WDR43: variants seen among roughly 807,000 people sequenced by gnomAD.
The protein encoded by WDR43 is WD repeat domain 43, also known as WD repeat-containing protein 43.
A neutral mutation model predicts 91.4 loss-of-function variants in WDR43; 13 were observed. That is an observed-to-expected ratio of 0.14 (90% confidence interval 0.09 to 0.23). The LOEUF (loss-of-function observed/expected upper bound fraction) is 0.23. WDR43 is among the 10% of genes least tolerant of loss of function. The pLI, the probability that WDR43 is intolerant of heterozygous loss-of-function variation, is 1.00. For missense variants in WDR43, 780 were observed against 809.4 expected, an observed-to-expected ratio of 0.96 and a Z score of 0.44; for synonymous variants, 331 against 287.9, an observed-to-expected ratio of 1.15 and a Z score of -1.51.
chr2:28,920,641 C>T (rs1671006565), intron 6 of WDR43, among the ~76,000 whole-genome samples: 1 of 152,004 alleles, frequency 6.6e-6, no homozygotes, highest in Non-Finnish European at 1.5e-5. Flanking sequence ...GCAAAACTTG[C>T]CACTAGTCTA....
chr2:28,895,485 A>G lies in WDR43; in HGVS notation c.225+562A>G, dbSNP rs151018295. ...CTCTTAACTTTTGCCTTTCCCAGGC[A>G]CCTCTACATTCTCAGCTTTTTGAAC... On this transcript the variant is annotated intron_variant, in intron 1 of 17. Transcript: ENST00000407426. 424 of 151,934 alleles carry G rather than the reference A, an allele frequency of 2.8e-3. 4 individuals carry two copies. Among genetic ancestry groups the G allele is most frequent in the Admixed American group, 5.6e-3 (85 of 15,262 alleles). 9.4% of individuals were successfully genotyped at this position (151,934 alleles called of 1,614,324 possible). A position where few individuals can be genotyped will look rare whatever the true frequency, so the allele number is the denominator to read the frequency against.
Position 28,914,289 on chromosome 2 carries a change from G to A in WDR43, c.746+81G>A, listed in dbSNP as rs1174628015. 9 of 1,432,556 alleles carry A rather than the reference G, an allele frequency of 6.3e-6. No individual in the cohort carries two copies. In the Admixed American group the frequency reaches 2.4e-4, roughly 38 times the overall value. The allele number at this position is 1,432,556 out of a possible 1,614,324, so 88.7% of individuals were successfully genotyped here. ...TGTAGTTAATGTAAATTATGAATAT[G>A]GGACTTTATTTGTTGTATCTAATGT... On this transcript the variant is annotated intron_variant, in intron 5 of 17. Coordinates refer to ENST00000407426, the MANE Select transcript of WDR43 (RefSeq NM_015131.3).
At chr2:28,900,561 G>C (rs973104796) in intron 1 of WDR43, among the ~76,000 whole-genome samples, 1 of 152,100 alleles carries the variant, frequency 6.6e-6, no homozygotes, top group Non-Finnish European at 1.5e-5. Flanking sequence ...AACTCTCCTT[G>C]CCTGAAATAG....
Position 28,937,940 on chromosome 2 carries a change from A to G in WDR43, c.1566A>G (p.Leu522=). 2 of 1,613,832 alleles carry G rather than the reference A, an allele frequency of 1.2e-6. No homozygotes were observed. Among genetic ancestry groups the G allele is most frequent in the East Asian group, 2.2e-5 (1 of 44,872 alleles). ...RLQGHPNSAV[L]MVQWLKCVLT... is the part of the protein sequence containing the mutation. ...GGATTTTTTTTTCCAGTGCTGTGCT[A>G]ATGGTTCAGTGGCTAAAATGTGTGT... The change falls in exon 14 of 18, where the codon CTA becomes CTG. Residue 522 remains leucine, a synonymous_variant. Transcript: ENST00000407426.
rs774215345 is a variant in WDR43, at chr2:28,942,342, A to G, written c.1765A>G (p.Thr589Ala). Residue 589 changes from threonine (T) to alanine (A), a missense_variant, in exon 16 of 18, where the codon ACT becomes GCT. Around this residue, in one of 4 missense-constraint regions of WDR43, gnomAD observed 426 missense variants for 467.8 expected, o/e 0.91. Transcript: ENST00000407426. ...VTASEKTKGA[T>A]SPGQKAKLVY... ...AGCATCAGAGAAGACAAAGGGAGCA[A>G]CTTCCCCTGGACAGAAGGCAAAGTT... The G allele has an allele frequency of 3.7e-6, 6 of 1,613,582 alleles. No individual in the cohort carries two copies. Among genetic ancestry groups the G allele is most frequent in the Non-Finnish European group, 5.1e-6 (6 of 1,179,690 alleles).
At chr2:28,945,290 A>C (rs1216697674) in intron 16 of WDR43, among the ~76,000 whole-genome samples, 1 of 152,232 alleles carries the variant, frequency 6.6e-6, no homozygotes, top group Non-Finnish European at 1.5e-5. Context: ...CACCTAATGA[A>C]ATCAATTCCT....
In WDR43 at chr2:28,927,529, T is replaced by G. The variant is rs761663848; in HGVS notation, c.1174-40T>G. The G allele has an allele frequency of 2.5e-6, 4 of 1,608,374 alleles. No homozygotes were observed. In the East Asian group the frequency reaches 8.9e-5, roughly 36 times the overall value. ...TTGAGGATACTTAAGGACTAAGGTA[T>G]GATTTCCTTTTTCACACTTTGGCTA... is the stretch of plus-strand genomic sequence containing the variant. On this transcript the variant is annotated intron_variant, in intron 9 of 17. Transcript: ENST00000407426.
At chr2:28,934,079 T>C (rs1671295350) in intron 11 of WDR43, among the ~76,000 whole-genome samples, 1 of 152,206 alleles carries the variant, frequency 6.6e-6, no homozygotes, top group Admixed American at 6.5e-5. Context: ...ATATGTCCTT[T>C]AACAGGTGAA....
At chr2:28,907,237 C>T (rs771545376) in intron 3 of WDR43, among the ~76,000 whole-genome samples, 14 of 152,028 alleles carry the variant, frequency 9.2e-5, no homozygotes, top group Non-Finnish European at 1.8e-4. Flanking sequence ...GAAAATGATG[C>T]CCATGGTCCT....
chr2:28,897,256 T>G (rs1670498433), intron 1 of WDR43, among the ~76,000 whole-genome samples: 1 of 152,150 alleles, frequency 6.6e-6, no homozygotes, highest in South Asian at 2.1e-4. Flanking sequence ...TGGTATAAAA[T>G]TAAAAAGTCA....
intron 5 of WDR43, among the ~76,000 whole-genome samples, 185 bp downstream of exon 5, chr2:28,914,393 T>C (rs965795541): frequency 6.6e-6 from 1 of 152,242 alleles, no homozygotes; most frequent in Non-Finnish European, 1.5e-5. Context: ...AAGTGCATTA[T>C]GTATTAAAGC....
At chr2:28,912,227 C>T (rs1330448354) in intron 3 of WDR43, among the ~76,000 whole-genome samples, 2 of 152,148 alleles carry the variant, frequency 1.3e-5, no homozygotes, top group Non-Finnish European at 2.9e-5. Flanking sequence ...TTGGGGAGGT[C>T]TAGCCAGTAT....
chr2:28,926,125 A>C lies in WDR43; in HGVS notation c.1087-343A>C, dbSNP rs367748748. Among the ~76,000 whole-genome samples the C allele has an allele frequency of 7.9e-5, 12 of 152,300 alleles. No individual in the cohort carries two copies. The East Asian group carries it at 1.7e-3, about 22-fold the overall frequency. Reference sequence around the variant, plus strand: ...ACTATTTTGAGCAGACTGTTTCTTAAAAGGATGATGAACTGATACGTTTTC... The same window carrying C: ...ACTATTTTGAGCAGACTGTTTCTTACAAGGATGATGAACTGATACGTTTTC... On this transcript the variant is annotated intron_variant, in intron 8 of 17. Coordinates refer to ENST00000407426, the MANE Select transcript of WDR43 (RefSeq NM_015131.3).
chr2:28,901,915 T>G, intron 1 of WDR43, 72 bp from the exon 2 acceptor site: 1 of 1,416,274 alleles, frequency 7.1e-7, no homozygotes, highest in Non-Finnish European at 9.4e-7. Flanking sequence ...TGGTGGGCAT[T>G]TGTATTTGTT....
At chr2:28,946,023 G>T (rs975350001) in intron 16 of WDR43, among the ~76,000 whole-genome samples, 2 of 152,144 alleles carry the variant, frequency 1.3e-5, no homozygotes, top group African/African-American at 4.8e-5. Context: ...ATAATATAAT[G>T]AATATACTTT....
intron 6 of WDR43, among the ~76,000 whole-genome samples, chr2:28,920,294 C>T (rs1362031881): frequency 2.9e-5 from 4 of 136,654 alleles, no homozygotes; most frequent in African/African-American, 5.7e-5. Flanking sequence ...GGTGCGATCT[C>T]AGCTCACTGC....
intron 6 of WDR43, 108 bp from the exon 7 acceptor site, chr2:28,922,811 T>TTTTC: frequency 2.2e-6 from 1 of 462,860 alleles, no homozygotes; most frequent in Non-Finnish European, 3.5e-6. Context: ...TTTTTTTTTT[T>TTTTC]TTTCTGGTTG....
intron 16 of WDR43, among the ~76,000 whole-genome samples, chr2:28,946,071 C>T (rs1671537471): frequency 6.6e-6 from 1 of 152,144 alleles, no homozygotes; most frequent in Non-Finnish European, 1.5e-5. Context: ...TGTGGTGGCT[C>T]ATGCCTATAA....
At position 28,907,468 on chromosome 2, in the gene WDR43, A is replaced by AAAAG. The variant is rs34947681; in HGVS notation, c.485+887_485+888insAAAG. On this transcript the variant is annotated intron_variant, in intron 3 of 17. Transcript: ENST00000407426. The stretch of plus-strand genomic sequence containing the variant: ...TTACAAAAAAAAAAAAAAAAAAAAA[A>AAAAG]TTGGGTGTGGTGGCATGCATGGCCT... Among the ~76,000 whole-genome samples the AAAAG allele has an allele frequency of 1.2e-4, 14 of 120,306 alleles. 2 individuals are homozygous for AAAAG. The highest frequency in any genetic ancestry group is 4.8e-4 in the East Asian group (2 of 4,190). The allele number at this position is 120,306 out of a possible 152,430, so 78.9% of individuals were successfully genotyped here.
Sources: allele counts gnomAD v4.1 joint callset (sites outside exome capture counted in the v4.1 genomes callset), GRCh38; gene constraint gnomAD v4.1.1; regional missense constraint gnomAD v4.1.1; transcripts MANE v1.5; gene names NCBI Gene and HGNC (gene_info 2026-07-23, HGNC 2026-07-21).